Variants in C1orf159 observed in about 807,000 individuals in gnomAD.
C1orf159 encodes the protein uncharacterized protein C1orf159.
Under a neutral mutation model 25.6 loss-of-function variants are expected in C1orf159, and 19 were observed. The observed-to-expected ratio is 0.74, with a 90% confidence interval of 0.52 to 1.09. The LOEUF is 1.09. C1orf159 is among the 50% of genes least tolerant of loss of function. The pLI, the probability that C1orf159 is intolerant of heterozygous loss-of-function variation, is 0.00. For missense variants in C1orf159, 274 were observed against 290.6 expected (o/e 0.94, Z 0.42); for synonymous variants, 139 against 124.7 (o/e 1.12, Z -0.77).
intron 1 of C1orf159, among the ~76,000 whole-genome samples, chr1:1,108,826 T>C (rs1456359796): frequency 3.3e-5 from 3 of 91,994 alleles, no homozygotes; most frequent in Admixed American, 1.2e-4. Context: ...GCAGCATTGT[T>C]CACCACAGCC....
At chr1:1,106,575 T>C (rs1446493590) in intron 1 of C1orf159, 1 of 152,264 alleles carries the variant, frequency 6.6e-6, no homozygotes, top group Non-Finnish European at 1.5e-5. Context: ...TGTACAACCA[T>C]ATCTTAGCAG....
chr1:1,087,049 GC>G lies in C1orf159; in HGVS notation c.310+89del. ...TTTGCAGAACCCTGAGCCTGCTGTG[GC>G]TGCGTCAAGGGTGAGGGTCTGCACT... On this transcript the variant is annotated intron_variant, in intron 6 of 9. Transcript: ENST00000421241. The surrounding 1 kb of genome is among the most constrained non-coding windows in gnomAD (Gnocchi z 8.3). 7.6e-7 allele frequency: 1 copy of G among 1,311,336 alleles called. No individual in the cohort carries two copies. The highest frequency in any genetic ancestry group is 1.1e-6 in the Non-Finnish European group (1 of 939,428). The allele number at this position is 1,311,336 out of a possible 1,614,324, so 81.2% of individuals were successfully genotyped here.
chr1:1,110,662 C>A lies in C1orf159; in HGVS notation c.-136+5398G>T, dbSNP rs1233062227. On this transcript the variant is annotated intron_variant, in intron 1 of 9. Transcript: ENST00000421241. The surrounding 1 kb of genome is among the most constrained non-coding windows in gnomAD (Gnocchi z 4.8). ...TTCCACACCTGGGATGCAGCCTTCC[C>A]CCCGGGCACGTTCCCAAGAGAAACA... Among the ~76,000 whole-genome samples the A allele has an allele frequency of 6.6e-6, 1 of 152,204 alleles. No homozygotes were observed. The highest frequency in any genetic ancestry group is 2.4e-5 in the African/African-American group (1 of 41,442).
At position 1,089,922 on chromosome 1, in the gene C1orf159, G is replaced by A. The variant is rs962846777; in HGVS notation, c.148+431C>T. On this transcript the variant is annotated intron_variant, in intron 4 of 9. Coordinates refer to ENST00000421241, the MANE Select transcript of C1orf159 (RefSeq NM_017891.5). The surrounding 1 kb of genome is among the most constrained non-coding windows in gnomAD (Gnocchi z 7.5). ...CGCTGACACAGGCCGGCATCCTCGT[G>A]GCGTCCTGTTGATTGGCATTCCACT... Among the ~76,000 whole-genome samples the A allele has an allele frequency of 6.6e-6, 1 of 152,180 alleles. No individual in the cohort carries two copies. The highest frequency in any genetic ancestry group is 1.5e-5 in the Non-Finnish European group (1 of 68,032).
chr1:1,092,763 T>C (rs1570315056), intron 1 of C1orf159: 1 of 152,434 alleles, frequency 6.6e-6, no homozygotes, highest in South Asian at 2.1e-4. Flanking sequence ...ATTCAGGTCA[T>C]GGCCTCACAA....
intron 1 of C1orf159, among the ~76,000 whole-genome samples, chr1:1,094,698 C>A (rs1326979289): frequency 6.6e-6 from 1 of 152,178 alleles, no homozygotes; most frequent in Non-Finnish European, 1.5e-5. Context: ...CCTTGCCCGG[C>A]CCCCGTCTTA....
chr1:1,086,383 C>T (rs891384476), intron 6 of C1orf159, among the ~76,000 whole-genome samples: 6 of 152,106 alleles, frequency 3.9e-5, no homozygotes, highest in Non-Finnish European at 7.4e-5. Flanking sequence ...CCGGGCTCAG[C>T]ACAGGCCCTG....
chr1:1,086,996 A>T, intron 6 of C1orf159, 143 bp downstream of exon 6: 1 of 792,754 alleles, frequency 1.3e-6, no homozygotes, highest in Non-Finnish European at 2.0e-6. Flanking sequence ...CCCAAGCTGC[A>T]GGGGCTGCCA....
intron 1 of C1orf159, among the ~76,000 whole-genome samples, chr1:1,111,995 C>T (rs182276895): frequency 3.3e-5 from 5 of 152,296 alleles, no homozygotes; most frequent in African/African-American, 7.2e-5. Context: ...GCATGGTAGT[C>T]GCTGCCCACC....
intron 1 of C1orf159, among the ~76,000 whole-genome samples, chr1:1,103,274 C>T (rs779830477): frequency 3.3e-5 from 5 of 152,232 alleles, no homozygotes; most frequent in Non-Finnish European, 5.9e-5. Flanking sequence ...ACTAAACCTG[C>T]TCCAAAGTGC....
At chr1:1,107,822 A>C (rs1176524745) in intron 1 of C1orf159, among the ~76,000 whole-genome samples, 1 of 152,174 alleles carries the variant, frequency 6.6e-6, no homozygotes, top group Non-Finnish European at 1.5e-5. Context: ...TTGGGTCTGC[A>C]CTGCCTTTAT....
At chr1:1,093,286 A>G (rs1397488929) in intron 1 of C1orf159, among the ~76,000 whole-genome samples, 1 of 152,230 alleles carries the variant, frequency 6.6e-6, no homozygotes, top group Non-Finnish European at 1.5e-5. Context: ...TGAGGGCCAC[A>G]TTAAGTCACA....
chr1:1,089,598 TC>T lies in C1orf159; in HGVS notation c.148+754del, dbSNP rs2100747665. On this transcript the variant is annotated intron_variant, in intron 4 of 9. Transcript: ENST00000421241. This position sits in a 1 kb window ranked among gnomAD's most constrained non-coding sequence, Gnocchi z 7.5. ...CACAGCCGCCGTCTTGACCACGCCC[TC>T]CTCACGAGGCCCCTGAGTCCCCAGG... 6.6e-6 allele frequency among the ~76,000 whole-genome samples: 1 copy of T among 152,074 alleles called. No homozygotes were observed. The highest frequency in any genetic ancestry group is 1.9e-4 in the East Asian group (1 of 5,164).
chr1:1,112,047 G>A (rs2100779920), intron 1 of C1orf159, among the ~76,000 whole-genome samples: 1 of 152,352 alleles, frequency 6.6e-6, no homozygotes, highest in South Asian at 2.1e-4. Context: ...GGTTGCCGTA[G>A]GTGGCTCAGC....
chr1:1,090,921 G>A (rs1202454329), intron 3 of C1orf159: 4 of 1,550,410 alleles, frequency 2.6e-6, no homozygotes, highest in Middle Eastern at 1.7e-4. Flanking sequence ...GACTGGACAG[G>A]CCTGGGGGGC....
intron 1 of C1orf159, among the ~76,000 whole-genome samples, chr1:1,099,775 T>G (rs1195965538): frequency 6.6e-6 from 1 of 151,682 alleles, no homozygotes; most frequent in Non-Finnish European, 1.5e-5. Flanking sequence ...TCTATTGTTC[T>G]AAGAATCGGA....
chr1:1,092,119 G>C lies in C1orf159; in HGVS notation c.-135-16C>G. 7.5e-6 allele frequency: 3 copies of C among 402,650 alleles called. No homozygotes were observed. The highest frequency in any genetic ancestry group is 5.2e-5 in the South Asian group (3 of 57,366). 24.9% of individuals were successfully genotyped at this position (402,650 alleles called of 1,614,324 possible). A position where few individuals can be genotyped will look rare whatever the true frequency, so the allele number is the denominator to read the frequency against. ...CGGCCCAGTCCTGCAGATGAAGACA[G>C]CAGGTGAGGCCGTGGTCACGCGAGG... is the stretch of plus-strand genomic sequence containing the variant. On this transcript the variant is annotated splice_polypyrimidine_tract_variant and intron_variant, in intron 1 of 9. Transcript: ENST00000421241.
At chr1:1,115,834 A>G (rs1312124881) in intron 1 of C1orf159, among the ~76,000 whole-genome samples, 1 of 136,518 alleles carries the variant, frequency 7.3e-6, no homozygotes, top group Non-Finnish European at 1.6e-5. Flanking sequence ...CCCCCATAGG[A>G]CCGCGGCCAG....
chr1:1,098,180 C>T (rs936600277), intron 1 of C1orf159, among the ~76,000 whole-genome samples: 1 of 151,920 alleles, frequency 6.6e-6, no homozygotes, highest in South Asian at 2.1e-4. Context: ...AAGCAATTCT[C>T]TGCCCCAGCC....
Sources: gnomAD v4.1 joint callset for allele counts (sites outside exome capture counted in the v4.1 genomes callset) on GRCh38, gnomAD v4.1.1 for gene constraint, Gnocchi (gnomAD v3.1) non-coding constraint, MANE v1.5 for transcripts, NCBI Gene and HGNC (gene_info 2026-07-23, HGNC 2026-07-21) for gene names.